CDC73: variants seen among roughly 807,000 people sequenced by gnomAD.
The protein encoded by CDC73 is parafibromin.
Under a neutral mutation model 83.7 loss-of-function variants are expected in CDC73, and 21 were observed. That is an observed-to-expected ratio of 0.25 (90% CI 0.18 to 0.36). The LOEUF (loss-of-function observed/expected upper bound fraction) is 0.36, where lower values mean the gene tolerates loss of function less well. Ranked by LOEUF, CDC73 falls within the 10% of genes least tolerant of loss-of-function variation. CDC73 has a pLI of 1.00. For synonymous variants in CDC73, 224 were observed against 212.9 expected, an observed-to-expected ratio of 1.05 and a Z score of -0.45; for missense variants, 342 against 653.3, an observed-to-expected ratio of 0.52 and a Z score of 5.19.
At chr1:193,129,991 A>G (rs1015498577) in intron 2 of CDC73, among the ~76,000 whole-genome samples, 183 bp from the exon 3 acceptor site, 1 of 152,160 alleles carries the variant, frequency 6.6e-6, no homozygotes, top group African/African-American at 2.4e-5. Context: ...AGTAACTAAC[A>G]TGTTTAATAA....
intron 2 of CDC73, among the ~76,000 whole-genome samples, chr1:193,127,125 T>C (rs6428151): frequency 0.72 from 109,913 of 151,786 alleles, 40,056 homozygotes; most frequent in South Asian, 0.82. Flanking sequence ...AAAAAATTAG[T>C]CAGGCGTGGT....
At chr1:193,194,991 G>A (rs1054822175) in intron 10 of CDC73, among the ~76,000 whole-genome samples, 1 of 151,968 alleles carries the variant, frequency 6.6e-6, no homozygotes, top group African/African-American at 2.4e-5. Context: ...TTTTACTGGT[G>A]GTTTAACACA....
At chr1:193,124,990 C>T (rs933261259) in intron 1 of CDC73, 122 bp from the exon 2 acceptor site, 18 of 684,562 alleles carry the variant, frequency 2.6e-5, no homozygotes, top group Non-Finnish European at 4.6e-5. Flanking sequence ...AGATTTTATA[C>T]TTTTTTTTTG....
intron 11 of CDC73, among the ~76,000 whole-genome samples, chr1:193,205,446 T>C (rs1240811592): frequency 2.0e-5 from 3 of 152,146 alleles, no homozygotes; most frequent in Admixed American, 6.6e-5. Flanking sequence ...GGGGCTTATA[T>C]TGGGATGTTT....
intron 13 of CDC73, among the ~76,000 whole-genome samples, chr1:193,226,476 G>T (rs1677569493): frequency 6.6e-6 from 1 of 152,082 alleles, no homozygotes; most frequent in Non-Finnish European, 1.5e-5. Context: ...GACTTTTATT[G>T]CATTGAGGTA....
chr1:193,252,180 A>C lies in CDC73; in HGVS notation c.*1468A>C, dbSNP rs890925516. ...TTCAGAAGGGAACAGTCAGCATTTT[A>C]AATTACTAGATTTTAGCATACTTAA... On this transcript the variant is annotated 3_prime_UTR_variant, in exon 17 of 17. Transcript: ENST00000367435. The C allele has an allele frequency of 1.7e-5, 4 of 231,014 alleles. No individual in the cohort carries two copies. The highest frequency in any genetic ancestry group is 3.4e-5 in the Non-Finnish European group (4 of 116,652). 14.3% of individuals were successfully genotyped at this position (231,014 alleles called of 1,614,324 possible). A position where few individuals can be genotyped will look rare whatever the true frequency, so the allele number is the denominator to read the frequency against.
At chr1:193,153,718 A>G (rs1433503404) in intron 10 of CDC73, among the ~76,000 whole-genome samples, 2 of 152,272 alleles carry the variant, frequency 1.3e-5, no homozygotes, top group Non-Finnish European at 2.9e-5. Context: ...TTGTTTTTGT[A>G]TTATTAAATT....
At chr1:193,232,213 G>A (rs932412501) in intron 13 of CDC73, among the ~76,000 whole-genome samples, 2 of 151,360 alleles carry the variant, frequency 1.3e-5, no homozygotes, top group African/African-American at 4.9e-5. Context: ...TGGTATTTTT[G>A]TAATTTTGCT....
rs549580789 is a variant in CDC73 at position 193,253,516 on chromosome 1, T to C, written c.*2804T>C. 3 of 232,366 alleles carry C rather than the reference T, an allele frequency of 1.3e-5. No homozygotes were observed. The highest frequency in any genetic ancestry group is 1.2e-4 in the East Asian group (2 of 16,392). The allele number at this position is 232,366 out of a possible 1,614,324, so 14.4% of individuals were successfully genotyped here. On this transcript the variant is annotated 3_prime_UTR_variant, in exon 17 of 17. Transcript: ENST00000367435. The stretch of plus-strand genomic sequence containing the variant: ...CAAATGCAATTTTTAATTATTTATT[T>C]AATATAGGAGTATTTTACTGTTTAA...
rs568336402 is a variant in CDC73 at position 193,170,746 on chromosome 1, A to G, written c.972+18302A>G. On this transcript the variant is annotated intron_variant, in intron 10 of 16. Coordinates refer to ENST00000367435, the MANE Select transcript of CDC73 (RefSeq NM_024529.5). ...TTGGTTTTCTTTTTACTCTGTTGAT[A>G]GTTTCTTTTGCTGTGCAGAATCTCT... Among the ~76,000 whole-genome samples, 3 of 152,210 alleles carry G rather than the reference A, an allele frequency of 2.0e-5. No homozygotes were observed. The South Asian group carries it at 6.2e-4, about 32-fold the overall frequency.
At chr1:193,242,955 C>G (rs1572221871) in intron 15 of CDC73, among the ~76,000 whole-genome samples, 1 of 142,202 alleles carries the variant, frequency 7.0e-6, no homozygotes, top group Admixed American at 7.0e-5. Flanking sequence ...TCTTCTTCTT[C>G]TTTTTTTTTT....
chr1:193,127,144 C>T (rs1675591361), intron 2 of CDC73, among the ~76,000 whole-genome samples: 1 of 151,932 alleles, frequency 6.6e-6, no homozygotes, highest in South Asian at 2.1e-4. Context: ...GTAGTGTGCA[C>T]CTATACTCCC....
intron 10 of CDC73, among the ~76,000 whole-genome samples, chr1:193,183,350 TA>T (rs11309249): frequency 0.62 from 92,585 of 148,592 alleles, 29,321 homozygotes; most frequent in South Asian, 0.77. Flanking sequence ...TTCTAAAATG[TA>T]AAAAAATTAA....
chr1:193,128,495 G>C (rs1205430487), intron 2 of CDC73, among the ~76,000 whole-genome samples: 1 of 151,720 alleles, frequency 6.6e-6, no homozygotes, highest in East Asian at 1.9e-4. Flanking sequence ...TGTAGAGTTG[G>C]AGTTTTTCCA....
At chr1:193,140,199 T>G (rs1675880695) in intron 6 of CDC73, among the ~76,000 whole-genome samples, 1 of 152,220 alleles carries the variant, frequency 6.6e-6, no homozygotes, top group Admixed American at 6.5e-5. Context: ...GTTTCTCATT[T>G]GTTAGGGAAT....
intron 10 of CDC73, among the ~76,000 whole-genome samples, chr1:193,190,201 C>T (rs781598411): frequency 2.0e-5 from 3 of 152,214 alleles, no homozygotes; most frequent in Non-Finnish European, 4.4e-5. Flanking sequence ...CCATACCACT[C>T]TGAAAACTGT....
intron 10 of CDC73, among the ~76,000 whole-genome samples, chr1:193,202,265 T>C (rs1677104485): frequency 1.3e-5 from 2 of 152,100 alleles, no homozygotes; most frequent in Non-Finnish European, 2.9e-5. Flanking sequence ...GAGCCTATTA[T>C]GCTCCAGGTA....
chr1:193,138,687 T>C (rs1032589639), intron 6 of CDC73, among the ~76,000 whole-genome samples: 9 of 152,102 alleles, frequency 5.9e-5, no homozygotes, highest in Non-Finnish European at 7.4e-5. Context: ...ACTTACATTC[T>C]TTTCTTTTTT....
chr1:193,195,278 T>C (rs1037169612), intron 10 of CDC73, among the ~76,000 whole-genome samples: 1 of 152,160 alleles, frequency 6.6e-6, no homozygotes, highest in African/African-American at 2.4e-5. Flanking sequence ...TTGTCCAGCC[T>C]ATTTCGTTTA....
Sources: allele counts gnomAD v4.1 joint callset (sites outside exome capture counted in the v4.1 genomes callset), GRCh38; gene constraint gnomAD v4.1.1; transcripts MANE v1.5; gene names NCBI Gene and HGNC (gene_info 2026-07-23, HGNC 2026-07-21).